ADCY9: variants seen among roughly 807,000 people sequenced by gnomAD.
ADCY9 encodes the protein adenylate cyclase 9.
In ADCY9, 50 loss-of-function variants were observed where a neutral mutation model predicts 101.5. The ratio of observed to expected loss-of-function variants is 0.49; its 90% CI spans 0.39 to 0.62. ADCY9 has a LOEUF of 0.62. ADCY9 is among the 20% of genes least tolerant of loss of function. The pLI is 0.00. For synonymous variants in ADCY9, 905 were observed against 769.3 expected (o/e 1.18, Z -2.92); for missense variants, 1,662 against 1,800.4 (o/e 0.92, Z 1.39).
Position 3,992,073 on chromosome 16 carries a change from A to G in ADCY9, c.2207+73T>C. 6.8e-7 allele frequency: 1 copy of G among 1,462,868 alleles called. No homozygotes were observed. The highest frequency in any genetic ancestry group is 9.4e-7 in the Non-Finnish European group (1 of 1,059,656). The allele number at this position is 1,462,868 out of a possible 1,614,324, so 90.6% of individuals were successfully genotyped here. A position where few individuals can be genotyped will look rare whatever the true frequency, so the allele number is the denominator to read the frequency against. ...ATGACAGAGCGAGACTCAGTCTTAAAGAAAAGAAAAGAAAAAGGCAGAGAG... is the reference window on the plus strand; with the variant it reads ...ATGACAGAGCGAGACTCAGTCTTAAGGAAAAGAAAAGAAAAAGGCAGAGAG... On this transcript the variant is annotated intron_variant, in intron 5 of 10. Coordinates refer to ENST00000294016, the MANE Select transcript of ADCY9 (RefSeq NM_001116.4). The surrounding 1 kb of genome is among the most constrained non-coding windows in gnomAD (Gnocchi z 4.2).
chr16:4,097,453 C>CATATATATAT (rs71394653), intron 2 of ADCY9, among the ~76,000 whole-genome samples: 70 of 71,018 alleles, frequency 9.9e-4, no homozygotes, highest in African/African-American at 1.3e-3. Context: ...TGTGGAGTTA[C>CATATATATAT]ATATATATAT....
At chr16:4,085,947 T>C (rs536565803) in intron 2 of ADCY9, among the ~76,000 whole-genome samples, 1 of 151,834 alleles carries the variant, frequency 6.6e-6, no homozygotes, top group East Asian at 1.9e-4. Flanking sequence ...CATTCATTTA[T>C]TGCATAATTA....
intron 3 of ADCY9, among the ~76,000 whole-genome samples, chr16:4,002,982 T>C (rs2601770): frequency 1 from 152,340 of 152,340 alleles, 76,170 homozygotes; most frequent in Non-Finnish European, 1. Flanking sequence ...TCCCAAAGTG[T>C]TGGGATTACA....
intron 2 of ADCY9, among the ~76,000 whole-genome samples, chr16:4,084,275 C>G (rs1355424366): frequency 1.3e-5 from 2 of 151,994 alleles, no homozygotes; most frequent in Admixed American, 1.3e-4. Flanking sequence ...CCACGCCCAG[C>G]TAATTTTTAT....
chr16:4,032,412 T>G (rs1219991869), intron 2 of ADCY9, among the ~76,000 whole-genome samples: 1 of 152,062 alleles, frequency 6.6e-6, no homozygotes, highest in Non-Finnish European at 1.5e-5. Flanking sequence ...TGGCTGGCTG[T>G]GCTCTCCTGC....
intron 2 of ADCY9, among the ~76,000 whole-genome samples, chr16:4,113,382 A>C (rs2057126132): frequency 6.6e-6 from 1 of 152,226 alleles, no homozygotes; most frequent in Non-Finnish European, 1.5e-5. Flanking sequence ...CAGGGTGACC[A>C]AATGAATGCA....
At chr16:4,018,661 C>T (rs570734539) in intron 2 of ADCY9, among the ~76,000 whole-genome samples, 1 of 152,342 alleles carries the variant, frequency 6.6e-6, no homozygotes, top group East Asian at 1.9e-4. Flanking sequence ...TGAATTTCCA[C>T]ACTTGTCAGA....
intron 2 of ADCY9, among the ~76,000 whole-genome samples, chr16:4,080,269 A>T (rs1012403886): frequency 2.0e-5 from 3 of 151,984 alleles, no homozygotes; most frequent in Non-Finnish European, 4.4e-5. Context: ...TTTTTGAGAC[A>T]GTCTTGCTCT....
chr16:4,031,180 T>G (rs1430140149), intron 2 of ADCY9, among the ~76,000 whole-genome samples: 1 of 152,200 alleles, frequency 6.6e-6, no homozygotes, highest in Admixed American at 6.5e-5. Context: ...TATAAGAGTA[T>G]TCTGTCAATG....
At chr16:4,035,869 C>T (rs1012901421) in intron 2 of ADCY9, among the ~76,000 whole-genome samples, 1 of 151,854 alleles carries the variant, frequency 6.6e-6, no homozygotes, top group Non-Finnish European at 1.5e-5. Flanking sequence ...CGTGGTGGCA[C>T]ATGATTGTAA....
Position 4,115,725 on chromosome 16 carries a change from G to A in ADCY9, c.-79C>T. The A allele has an allele frequency of 2.4e-6, 1 of 417,720 alleles. No individual in the cohort carries two copies. 25.9% of individuals were successfully genotyped at this position (417,720 alleles called of 1,614,324 possible). On this transcript the variant is annotated 5_prime_UTR_variant, in exon 1 of 11. The change creates a new upstream start codon in the 5' untranslated region. Transcript: ENST00000294016. The surrounding 1 kb of genome is among the most constrained non-coding windows in gnomAD (Gnocchi z 6.2). ...CGGGGGTCCCCGCCGCGTGGCCGCC[G>A]TGGCTCCGGGACCGCTTTGCTCGCT...
chr16:4,069,005 T>TAA (rs1463124304), intron 2 of ADCY9, among the ~76,000 whole-genome samples: 1 of 152,174 alleles, frequency 6.6e-6, no homozygotes, highest in Non-Finnish European at 1.5e-5. Flanking sequence ...TTCTCATACA[T>TAA]ACATTTTTGT....
chr16:3,961,244 T>C (rs2055936364), downstream of ADCY9, among the ~76,000 whole-genome samples: 1 of 151,908 alleles, frequency 6.6e-6, no homozygotes, highest in African/African-American at 2.4e-5. Context: ...ACCCAGGAGT[T>C]CGAGAACAGC....
intron 3 of ADCY9, among the ~76,000 whole-genome samples, chr16:3,997,055 G>C (rs1597153994): frequency 6.6e-6 from 1 of 152,168 alleles, no homozygotes; most frequent in Non-Finnish European, 1.5e-5. Context: ...AGTAGAGATG[G>C]GGTTTCACCA....
intron 2 of ADCY9, among the ~76,000 whole-genome samples, chr16:4,011,846 T>A (rs192934607): frequency 1.5e-4 from 23 of 152,308 alleles, no homozygotes; most frequent in African/African-American, 4.8e-4. Flanking sequence ...GCTAGTGAGC[T>A]GCTTCATCGC....
chr16:3,980,350 G>C (rs2056130709), intron 7 of ADCY9, among the ~76,000 whole-genome samples: 1 of 152,216 alleles, frequency 6.6e-6, no homozygotes, highest in African/African-American at 2.4e-5. Flanking sequence ...GGAGGAACAG[G>C]TCTTGGCTGA....
At chr16:4,003,225 T>A (rs1407775889) in intron 3 of ADCY9, among the ~76,000 whole-genome samples, 2 of 152,210 alleles carry the variant, frequency 1.3e-5, no homozygotes, top group East Asian at 1.9e-4. Flanking sequence ...CCCACAGCAA[T>A]GCTCAGCCGC....
chr16:4,100,209 G>A (rs920953524), intron 2 of ADCY9, among the ~76,000 whole-genome samples: 2 of 152,090 alleles, frequency 1.3e-5, no homozygotes, highest in East Asian at 1.9e-4. Context: ...TTTAAGATGC[G>A]CCTTGTTTCT....
rs748430579 is a variant in ADCY9, at chr16:3,979,280, G to C, written c.2520-5C>G. The C allele has an allele frequency of 1.9e-6, 3 of 1,613,508 alleles. No individual in the cohort carries two copies. In the South Asian group the frequency reaches 3.3e-5, roughly 18 times the overall value. On this transcript the variant is annotated splice_polypyrimidine_tract_variant and splice_region_variant and intron_variant, in intron 7 of 10. Coordinates refer to ENST00000294016, the MANE Select transcript of ADCY9 (RefSeq NM_001116.4). ...TCCTCCAGGAAGAACACCATCCTGC[G>C]AGAGGCATGGGGGTTAGCAGGAGCG... is the stretch of plus-strand genomic sequence containing the variant.
Sources: allele counts gnomAD v4.1 joint callset (sites outside exome capture counted in the v4.1 genomes callset), GRCh38; gene constraint gnomAD v4.1.1; non-coding constraint Gnocchi (gnomAD v3.1); transcripts MANE v1.5; gene names NCBI Gene and HGNC (gene_info 2026-07-23, HGNC 2026-07-21).